Variants in TRAF3 observed in about 807,000 individuals in gnomAD.
TRAF3 encodes TNF receptor associated factor 3.
Under a neutral mutation model 62.3 loss-of-function variants are expected in TRAF3, and 13 were observed. That is an observed-to-expected ratio of 0.21 (90% CI 0.14 to 0.33). TRAF3 has a LOEUF of 0.33. Ranked by LOEUF, TRAF3 falls within the 10% of genes least tolerant of loss-of-function variation. The pLI, the probability that TRAF3 is intolerant of heterozygous loss-of-function variation, is 1.00. For missense variants in TRAF3, 440 were observed against 741.8 expected, an observed-to-expected ratio of 0.59 and a Z score of 4.73; for synonymous variants, 269 against 283.4, an observed-to-expected ratio of 0.95 and a Z score of 0.51.
chr14:102,782,674 G>T (rs561774478), intron 1 of TRAF3, among the ~76,000 whole-genome samples: 1 of 150,440 alleles, frequency 6.6e-6, no homozygotes. Context: ...TTTTTACTAC[G>T]ATTTGTTCCA....
intron 4 of TRAF3, 57 bp downstream of exon 4, chr14:102,872,025 T>G (rs909025885): frequency 6.4e-7 from 1 of 1,573,970 alleles, no homozygotes; most frequent in African/African-American, 1.4e-5. Flanking sequence ...GGTAATACTT[T>G]TCACATAGTT....
intron 1 of TRAF3, among the ~76,000 whole-genome samples, chr14:102,791,836 A>C (rs1897805022): frequency 6.6e-6 from 1 of 150,966 alleles, no homozygotes. Flanking sequence ...TTTTTGACAC[A>C]GGGTCTTGCT....
intron 1 of TRAF3, among the ~76,000 whole-genome samples, chr14:102,778,460 T>C (rs1303367952): frequency 1.3e-5 from 2 of 152,206 alleles, no homozygotes; most frequent in African/African-American, 4.8e-5. Context: ...GATGAGGTGT[T>C]ATGGACGTGC....
At chr14:102,821,940 G>T (rs567745168) in intron 1 of TRAF3, among the ~76,000 whole-genome samples, 16 of 152,264 alleles carry the variant, frequency 1.1e-4, no homozygotes, top group African/African-American at 3.9e-4. Context: ...TATTCGAGAG[G>T]CTGAGACAAA....
intron 1 of TRAF3, among the ~76,000 whole-genome samples, chr14:102,806,588 C>T (rs977840762): frequency 5.9e-5 from 9 of 152,262 alleles, no homozygotes; most frequent in African/African-American, 1.9e-4. Flanking sequence ...GCTATTGAGT[C>T]CTTGGTATGT....
chr14:102,858,668 T>C (rs1019603522), intron 2 of TRAF3, among the ~76,000 whole-genome samples: 1 of 152,202 alleles, frequency 6.6e-6, no homozygotes, highest in Non-Finnish European at 1.5e-5. Flanking sequence ...CGATTTTACA[T>C]AATAATTGTA....
chr14:102,886,401 A>C, intron 7 of TRAF3, 132 bp downstream of exon 7: 70 of 759,014 alleles, frequency 9.2e-5, no homozygotes, highest in East Asian at 8.9e-5. Context: ...GACAAACAAA[A>C]ACCACAGCAA....
Position 102,911,338 on chromosome 14 carries a change from A to G in TRAF3, c.*5554A>G, listed in dbSNP as rs946375060. On this transcript the variant is annotated 3_prime_UTR_variant, in exon 12 of 12. Coordinates refer to ENST00000392745, the MANE Select transcript of TRAF3 (RefSeq NM_145725.3). ...ACTGTTTTCTAGTTTTGTTTATTGT[A>G]TATTATGTGTGGTTTTATTTGGTAT... 1 of 152,122 alleles carries G rather than the reference A, an allele frequency of 6.6e-6. No homozygotes were observed. The highest frequency in any genetic ancestry group is 1.5e-5 in the Non-Finnish European group (1 of 68,022). 9.4% of individuals were successfully genotyped at this position (152,122 alleles called of 1,614,324 possible).
Position 102,903,676 on chromosome 14 carries a change from G to A in TRAF3, c.1135+247G>A, listed in dbSNP as rs1401971380. The A allele has an allele frequency of 1.6e-6, 1 of 637,000 alleles. No homozygotes were observed. 39.5% of individuals were successfully genotyped at this position (637,000 alleles called of 1,614,324 possible). A position where few individuals can be genotyped will look rare whatever the true frequency, so the allele number is the denominator to read the frequency against. On this transcript the variant is annotated intron_variant, in intron 11 of 11. Transcript: ENST00000392745. The surrounding 1 kb of genome is among the most constrained non-coding windows in gnomAD (Gnocchi z 6.4). ...CATGGTGTAGAAAGTAGGGGCAGCT[G>A]CAGCCACGGGAAGCTGCAAAGCCCT... is the stretch of plus-strand genomic sequence containing the variant.
chr14:102,822,274 T>C (rs1900033581), intron 1 of TRAF3, among the ~76,000 whole-genome samples: 1 of 152,208 alleles, frequency 6.6e-6, no homozygotes, highest in African/African-American at 2.4e-5. Context: ...GTATCATAAC[T>C]TTGGAAAAAC....
intron 4 of TRAF3, among the ~76,000 whole-genome samples, chr14:102,874,724 C>T (rs1888549668): frequency 6.6e-6 from 1 of 151,408 alleles, no homozygotes; most frequent in South Asian, 2.1e-4. Context: ...GATCATGGCT[C>T]ACTGCATCCT....
intron 2 of TRAF3, among the ~76,000 whole-genome samples, chr14:102,839,622 G>A (rs532062508): frequency 6.6e-6 from 1 of 152,320 alleles, no homozygotes; most frequent in South Asian, 2.1e-4. Context: ...GCTGTTTTCG[G>A]TCTACCTCAT....
At chr14:102,828,549 C>A (rs528762505) in intron 1 of TRAF3, among the ~76,000 whole-genome samples, 1 of 152,068 alleles carries the variant, frequency 6.6e-6, no homozygotes, top group Non-Finnish European at 1.5e-5. Context: ...AGTTTGTGCA[C>A]GATAATTTTG....
Position 102,903,440 on chromosome 14 carries a change from G to C in TRAF3, c.1135+11G>C. 1 of 1,613,172 alleles carries C rather than the reference G, an allele frequency of 6.2e-7. No individual in the cohort carries two copies. Among genetic ancestry groups the C allele is most frequent in the Non-Finnish European group, 8.5e-7 (1 of 1,179,776 alleles). On this transcript the variant is annotated intron_variant, in intron 11 of 11. Transcript: ENST00000392745. This position sits in a 1 kb window ranked among gnomAD's most constrained non-coding sequence, Gnocchi z 6.4. ...TGGCTCGGAACACAGGTGAGGCAGG[G>C]GCCGGGGCCGGGCCAGCAGTGTGCA...
chr14:102,911,013 A>G lies in TRAF3; in HGVS notation c.*5229A>G, dbSNP rs1228870735. ...AGTGTCGACGCTGCACAGCATCTGCAGATTCGCAGCCTCTTCTCTGCCGGT... is the reference window on the plus strand; with the variant it reads ...AGTGTCGACGCTGCACAGCATCTGCGGATTCGCAGCCTCTTCTCTGCCGGT... On this transcript the variant is annotated 3_prime_UTR_variant, in exon 12 of 12. Coordinates refer to ENST00000392745, the MANE Select transcript of TRAF3 (RefSeq NM_145725.3). 1 of 152,260 alleles carries G rather than the reference A, an allele frequency of 6.6e-6. No individual in the cohort carries two copies. Among genetic ancestry groups the G allele is most frequent in the Non-Finnish European group, 1.5e-5 (1 of 68,048 alleles). The allele number at this position is 152,260 out of a possible 1,614,324, so 9.4% of individuals were successfully genotyped here. A position where few individuals can be genotyped will look rare whatever the true frequency, so the allele number is the denominator to read the frequency against.
chr14:102,817,839 G>T (rs1432947593), intron 1 of TRAF3, among the ~76,000 whole-genome samples: 1 of 152,218 alleles, frequency 6.6e-6, no homozygotes, highest in East Asian at 1.9e-4. Flanking sequence ...ACGTTGTTAA[G>T]TCTCACCCAA....
chr14:102,891,535 G>T, intron 9 of TRAF3, 118 bp downstream of exon 9: 1 of 1,141,246 alleles, frequency 8.8e-7, no homozygotes, highest in Non-Finnish European at 1.3e-6. Context: ...TCAAGAGAAT[G>T]TCAAAAAAAA....
chr14:102,805,941 G>GTT (rs1595304045), intron 1 of TRAF3, among the ~76,000 whole-genome samples: 1 of 138,134 alleles, frequency 7.2e-6, no homozygotes, highest in East Asian at 2.1e-4. Context: ...TTTGATTCCT[G>GTT]TTTCCTTGGT....
At chr14:102,868,409 T>A (rs1888133874) in intron 2 of TRAF3, among the ~76,000 whole-genome samples, 1 of 152,090 alleles carries the variant, frequency 6.6e-6, no homozygotes, top group Non-Finnish European at 1.5e-5. Context: ...CTTACCAAGG[T>A]ACATGGGAGT....
Sources: allele counts gnomAD v4.1 joint callset (sites outside exome capture counted in the v4.1 genomes callset), GRCh38; gene constraint gnomAD v4.1.1; non-coding constraint Gnocchi (gnomAD v3.1); transcripts MANE v1.5; gene names NCBI Gene and HGNC (gene_info 2026-07-23, HGNC 2026-07-21).